The following RASEF variants were observed in gnomAD, a reference collection of about 807,000 sequenced individuals.
RASEF encodes the protein ras and EF-hand domain-containing protein.
Under a neutral mutation model 90.1 loss-of-function variants are expected in RASEF, and 68 were observed. That is an observed-to-expected ratio of 0.75 (90% CI 0.62 to 0.92). RASEF has a LOEUF of 0.92. Among genes scored for constraint, RASEF ranks in the 40% least tolerant of loss-of-function variants. RASEF has a pLI of 0.00. For missense variants in RASEF, 949 were observed against 937.2 expected (o/e 1.01, Z -0.16); for synonymous variants, 331 against 345.2 (o/e 0.96, Z 0.46).
At chr9:83,142,199 C>T in the RASEF span, among the ~76,000 whole-genome samples, 171 of 152,084 alleles carry the variant, frequency 1.1e-3, no homozygotes, top group African/African-American at 4.0e-3. Flanking sequence ...AGATTACTTG[C>T]AAAGAAAAAA....
intron 16 of RASEF, among the ~76,000 whole-genome samples, chr9:82,990,172 C>T (rs978334995): frequency 3.3e-5 from 5 of 152,154 alleles, no homozygotes; most frequent in African/African-American, 1.2e-4. Context: ...GTCAATGACA[C>T]CTCAGATGCA....
the RASEF span, among the ~76,000 whole-genome samples, chr9:83,172,141 T>G: frequency 6.6e-6 from 1 of 151,864 alleles, no homozygotes; most frequent in African/African-American, 2.4e-5. Flanking sequence ...TATTTTTATT[T>G]CTTTTTTAAT....
the RASEF span, among the ~76,000 whole-genome samples, chr9:83,125,488 C>T: frequency 2.6e-5 from 4 of 152,168 alleles, no homozygotes; most frequent in African/African-American, 9.7e-5. Flanking sequence ...TCACTGGCTT[C>T]CCACATCTAA....
At chr9:82,994,927 G>A (rs1020539267) in intron 14 of RASEF, among the ~76,000 whole-genome samples, 25 of 152,142 alleles carry the variant, frequency 1.6e-4, no homozygotes, top group Middle Eastern at 3.4e-3. Context: ...ATTCATTTCC[G>A]CCCATATTTA....
intron 1 of RASEF, among the ~76,000 whole-genome samples, chr9:83,034,330 CT>C (rs956728621): frequency 2.0e-5 from 3 of 152,180 alleles, no homozygotes; most frequent in Non-Finnish European, 2.9e-5. Flanking sequence ...TTCAGTTTTG[CT>C]GTTGTCTGAT....
chr9:83,086,392 A>G, the RASEF span, among the ~76,000 whole-genome samples: 1 of 152,204 alleles, frequency 6.6e-6, no homozygotes, highest in African/African-American at 2.4e-5. Flanking sequence ...GAGGTCATCA[A>G]TGTCCTATTC....
At chr9:83,139,652 G>T in the RASEF span, among the ~76,000 whole-genome samples, 1 of 152,200 alleles carries the variant, frequency 6.6e-6, no homozygotes, top group East Asian at 1.9e-4. Flanking sequence ...GCTGTCTCAG[G>T]GGTGGCAGAG....
intron 16 of RASEF, among the ~76,000 whole-genome samples, chr9:82,989,655 A>G (rs1277662239): frequency 6.6e-6 from 1 of 152,238 alleles, no homozygotes; most frequent in Non-Finnish European, 1.5e-5. Flanking sequence ...AAAAAGAATG[A>G]CATGCCTAAA....
chr9:83,020,852 C>G (rs1246848353), intron 3 of RASEF, among the ~76,000 whole-genome samples: 1 of 152,122 alleles, frequency 6.6e-6, no homozygotes, highest in African/African-American at 2.4e-5. Flanking sequence ...AGATTAAACA[C>G]AGCAGATGGA....
At chr9:83,055,282 T>C in intron 1 of RASEF, 1 of 338,612 alleles carries the variant, frequency 3.0e-6, no homozygotes, top group South Asian at 2.5e-5. Context: ...AAAAGCGCAA[T>C]ATTCGGGTGG....
In RASEF at chr9:82,991,081, G is replaced by A. The variant is rs575728643; in HGVS notation, c.2041-614C>T. Among the ~76,000 whole-genome samples the A allele has an allele frequency of 1.2e-3, 182 of 152,272 alleles. 1 individual carries two copies. Among genetic ancestry groups the A allele is most frequent in the African/African-American group, 4.3e-3 (180 of 41,562 alleles). ...TGAGGCCCAGCTTCACGTGGCCCCAGGCAAGCTCTGAGCTTCACCTCCCAC... is the reference window on the plus strand; with the variant it reads ...TGAGGCCCAGCTTCACGTGGCCCCAAGCAAGCTCTGAGCTTCACCTCCCAC... On this transcript the variant is annotated intron_variant, in intron 15 of 16. Coordinates refer to ENST00000376447, the MANE Select transcript of RASEF (RefSeq NM_152573.4).
intron 9 of RASEF, among the ~76,000 whole-genome samples, chr9:83,001,626 T>C (rs1829042811): frequency 6.6e-6 from 1 of 152,138 alleles, no homozygotes; most frequent in Non-Finnish European, 1.5e-5. Flanking sequence ...TAAGATTCAG[T>C]GTACTCAACT....
intron 2 of RASEF, among the ~76,000 whole-genome samples, chr9:83,023,257 T>A (rs898315806): frequency 1.2e-4 from 19 of 152,330 alleles, no homozygotes; most frequent in Non-Finnish European, 1.9e-4. Flanking sequence ...GTAGATAAGG[T>A]TACCTTTTAG....
At chr9:83,086,462 A>C in the RASEF span, among the ~76,000 whole-genome samples, 1 of 152,234 alleles carries the variant, frequency 6.6e-6, no homozygotes, top group Admixed American at 6.6e-5. Context: ...TATCTGATGC[A>C]TAACAAGTTA....
At chr9:83,121,269 AC>A in the RASEF span, among the ~76,000 whole-genome samples, 1 of 152,172 alleles carries the variant, frequency 6.6e-6, no homozygotes, top group African/African-American at 2.4e-5. Context: ...ATATCAGTTG[AC>A]ATATATAGAT....
At chr9:83,044,245 A>T (rs1241790968) in intron 1 of RASEF, among the ~76,000 whole-genome samples, 1 of 152,222 alleles carries the variant, frequency 6.6e-6, no homozygotes, top group Non-Finnish European at 1.5e-5. Flanking sequence ...GAAGGAGAAG[A>T]AGAAGGGAAG....
chr9:83,173,390 G>A, the RASEF span, among the ~76,000 whole-genome samples: 1 of 151,522 alleles, frequency 6.6e-6, no homozygotes, highest in Non-Finnish European at 1.5e-5. Flanking sequence ...CCCTTTTGAG[G>A]CTATTTTCTA....
chr9:83,208,326 A>T, the RASEF span, among the ~76,000 whole-genome samples: 18 of 152,114 alleles, frequency 1.2e-4, no homozygotes, highest in African/African-American at 3.6e-4. Flanking sequence ...AGATAAGAAA[A>T]TTCCTGGAAA....
the RASEF span, among the ~76,000 whole-genome samples, chr9:83,208,387 C>T: frequency 6.6e-6 from 1 of 152,188 alleles, no homozygotes; most frequent in African/African-American, 2.4e-5. Flanking sequence ...CTCTTCCCTC[C>T]CCCAGGTTCC....
Sources: allele counts gnomAD v4.1 joint callset (sites outside exome capture counted in the v4.1 genomes callset), GRCh38; gene constraint gnomAD v4.1.1; transcripts MANE v1.5; gene names NCBI Gene and HGNC (gene_info 2026-07-23, HGNC 2026-07-21).